Variants in PDXDC1 observed in about 807,000 individuals in gnomAD.
PDXDC1 encodes pyridoxal-dependent decarboxylase domain-containing protein 1.
PDXDC1 carries 42 observed loss-of-function variants against 100.1 expected under a neutral mutation model. The observed-to-expected ratio is 0.42, with a 90% CI of 0.33 to 0.54. The LOEUF (loss-of-function observed/expected upper bound fraction) is 0.54. Ranked by LOEUF, PDXDC1 falls within the 20% of genes least tolerant of loss-of-function variation. PDXDC1 has a pLI of 0.10. For synonymous variants in PDXDC1, 260 were observed against 371.7 expected (o/e 0.70, Z 3.46); for missense variants, 636 against 979.2 (o/e 0.65, Z 4.68).
At position 15,030,073 on chromosome 16, in the gene PDXDC1, G is replaced by A. The variant is rs765054294; in HGVS notation, c.1399+17G>A. 85 of 1,549,972 alleles carry A rather than the reference G, an allele frequency of 5.5e-5. No homozygotes were observed. The South Asian group carries it at 6.0e-4, about 11-fold the overall frequency. ...CCGCAGCAGGTAAACCAGGCTTGGT[G>A]GACATCCCTTGCTTTTGTTCTGGGG... On this transcript the variant is annotated intron_variant, in intron 16 of 22. Coordinates refer to ENST00000396410, the MANE Select transcript of PDXDC1 (RefSeq NM_015027.4).
At position 15,047,602 on chromosome 16, in the gene PDXDC1, G is replaced by A; in HGVS notation, c.1399+17546G>A. ...AGTTATTCCCTGATGCGAGTGCAGT[G>A]CGCAGGCCGAGACTCCGCCTGTCCC... On this transcript the variant is annotated intron_variant, in intron 16 of 16. Transcript: ENST00000535621. 5 of 1,329,402 alleles carry A rather than the reference G, an allele frequency of 3.8e-6. No individual in the cohort carries two copies. The Middle Eastern group carries it at 9.0e-4, about 241-fold the overall frequency. The allele number at this position is 1,329,402 out of a possible 1,614,324, so 82.4% of individuals were successfully genotyped here.
chr16:15,133,830 T>G, intron 16 of PDXDC1: 4 of 1,581,930 alleles, frequency 2.5e-6, no homozygotes, highest in Non-Finnish European at 3.4e-6. Context: ...GGTGAGGGCG[T>G]GCACAGCGCC....
At chr16:14,986,546 A>G (rs1597302794) in intron 1 of PDXDC1, among the ~76,000 whole-genome samples, 2 of 152,298 alleles carry the variant, frequency 1.3e-5, no homozygotes, top group South Asian at 4.1e-4. Flanking sequence ...AATCATACCT[A>G]TCATGCAACT....
At chr16:14,993,404 G>A (rs1449397573) in intron 1 of PDXDC1, among the ~76,000 whole-genome samples, 1 of 151,900 alleles carries the variant, frequency 6.6e-6, no homozygotes, top group Non-Finnish European at 1.5e-5. Context: ...TTGGTGTTTT[G>A]TCCTTGAGAT....
intron 16 of PDXDC1, among the ~76,000 whole-genome samples, chr16:15,057,094 A>T (rs542800770): frequency 6.6e-5 from 10 of 152,322 alleles, no homozygotes; most frequent in Admixed American, 3.9e-4. Context: ...GAGGAGCCAC[A>T]TGATACAGCA....
chr16:15,141,049 G>A (rs1421955751), downstream of PDXDC1, among the ~76,000 whole-genome samples: 8 of 150,000 alleles, frequency 5.3e-5, no homozygotes, highest in African/African-American at 1.7e-4. Context: ...AGCCCCTACC[G>A]GCCTCCATCC....
intron 16 of PDXDC1, chr16:15,083,545 A>G (rs762933480): frequency 3.7e-6 from 6 of 1,609,220 alleles, no homozygotes; most frequent in Non-Finnish European, 4.2e-6. Context: ...ACAAATGGAA[A>G]TTTTTCCACC....
chr16:15,128,056 A>C, intron 16 of PDXDC1: 1 of 1,607,168 alleles, frequency 6.2e-7, no homozygotes. Flanking sequence ...AAAGCCAGTC[A>C]TTGACCAGGA....
At chr16:14,996,585 G>A (rs1972026935) in intron 1 of PDXDC1, among the ~76,000 whole-genome samples, 1 of 152,278 alleles carries the variant, frequency 6.6e-6, no homozygotes, top group Admixed American at 6.5e-5. Flanking sequence ...TTTTAATTCT[G>A]CAAAAAGTTC....
At chr16:15,127,179 T>G (rs1344661507) in intron 16 of PDXDC1, 1 of 392,998 alleles carries the variant, frequency 2.5e-6, no homozygotes, top group East Asian at 6.1e-5. Flanking sequence ...TTCGGAAGCG[T>G]GCACAGCCGC....
intron 16 of PDXDC1, among the ~76,000 whole-genome samples, chr16:15,062,817 C>T (rs189922241): frequency 1.3e-3 from 201 of 152,322 alleles, no homozygotes; most frequent in Middle Eastern, 6.8e-3. Flanking sequence ...AACAACAAAA[C>T]CTGGGCCTGG....
intron 16 of PDXDC1, chr16:15,130,252 A>G (rs1293847689): frequency 1.9e-6 from 3 of 1,548,114 alleles, no homozygotes; most frequent in Non-Finnish European, 2.6e-6. Flanking sequence ...CTGGCGCCGA[A>G]GGCGGTGAGG....
At chr16:15,100,917 T>C (rs1486765291) in intron 16 of PDXDC1, among the ~76,000 whole-genome samples, 3 of 151,932 alleles carry the variant, frequency 2.0e-5, no homozygotes, top group African/African-American at 4.8e-5. Context: ...GCCCAGGAGG[T>C]CGAGACTGCA....
chr16:15,062,773 C>G (rs1315674587), intron 16 of PDXDC1, among the ~76,000 whole-genome samples: 1 of 152,180 alleles, frequency 6.6e-6, no homozygotes, highest in African/African-American at 2.4e-5. Flanking sequence ...CTGGTTTAAG[C>G]AATTTATCCA....
intron 1 of PDXDC1, chr16:14,989,956 C>A: frequency 5.5e-6 from 8 of 1,460,520 alleles, no homozygotes; most frequent in Admixed American, 2.7e-5. Context: ...GCGCGGGTGG[C>A]CGCCTCCAGG....
intron 8 of PDXDC1, 37 bp downstream of exon 8, chr16:15,009,796 T>C: frequency 2.5e-6 from 4 of 1,613,546 alleles, no homozygotes; most frequent in Non-Finnish European, 2.5e-6. Flanking sequence ...ATTTTGAATA[T>C]ATAGGAGCGA....
chr16:15,096,465 CTG>C (rs746094919), intron 16 of PDXDC1, among the ~76,000 whole-genome samples: 4 of 152,210 alleles, frequency 2.6e-5, no homozygotes, highest in Non-Finnish European at 5.9e-5. Context: ...AAATCAGTAA[CTG>C]TCTTTCCTGA....
At chr16:15,092,339 A>G (rs1423936589) in intron 16 of PDXDC1, among the ~76,000 whole-genome samples, 1 of 152,164 alleles carries the variant, frequency 6.6e-6, no homozygotes, top group Non-Finnish European at 1.5e-5. Flanking sequence ...TGGGGGAAAA[A>G]AAGGACACTA....
At chr16:15,141,728 G>C (rs550065520), downstream of PDXDC1, among the ~76,000 whole-genome samples, 3 of 152,336 alleles carry the variant, frequency 2.0e-5, no homozygotes, top group South Asian at 6.2e-4. Context: ...CAGCCACGCT[G>C]CTAGGCATCC....
Sources: allele counts gnomAD v4.1 joint callset (sites outside exome capture counted in the v4.1 genomes callset), GRCh38; gene constraint gnomAD v4.1.1; transcripts MANE v1.5; gene names NCBI Gene and HGNC (gene_info 2026-07-23, HGNC 2026-07-21).